The following DMRTC1 variants were observed in gnomAD, a reference collection of about 807,000 sequenced individuals.
DMRTC1 encodes the protein doublesex- and mab-3-related transcription factor C1.
For missense variants in DMRTC1, 9 were observed against 34.6 expected (o/e 0.26, Z 1.86); for synonymous variants, 7 against 14.1 (o/e 0.50, Z 1.13).
At chrX:72,881,933 C>G (rs1225297403) in intron 1 of DMRTC1, among the ~76,000 whole-genome samples, 2 of 114,543 alleles carry the variant, frequency 1.7e-5, no homozygotes, top group African/African-American at 6.3e-5. Flanking sequence ...TGTTTGTATT[C>G]ATCAGTTTTA....
chrX:72,906,186 T>TA lies in DMRTC1; in HGVS notation c.-94-30399dup, dbSNP rs782065738. On this transcript the variant is annotated intron_variant, in intron 1 of 6. Coordinates refer to ENST00000615063, the MANE Select transcript of DMRTC1 (RefSeq NM_033053.3). ...ATACAACCAACCAAGCCTGCATCAT[T>TA]AAAAAAAACAGAAAATCTGTACAGA... is the stretch of plus-strand genomic sequence containing the variant. 3.6e-3 allele frequency among the ~76,000 whole-genome samples: 171 copies of TA among 48,145 alleles called. 2 individuals are homozygous for TA. The highest frequency in any genetic ancestry group is 0.031 in the East Asian group (40 of 1,285). 41.8% of individuals were successfully genotyped at this position (48,145 alleles called of 115,157 possible).
intron 4 of DMRTC1, among the ~76,000 whole-genome samples, chrX:72,874,558 G>A (rs1194771767): frequency 1.8e-5 from 1 of 55,889 alleles, no homozygotes; most frequent in African/African-American, 7.7e-5. Context: ...GACACATAAA[G>A]TCACTTGTCC....
intron 1 of DMRTC1, chrX:72,913,324 C>G (rs1321056351): frequency 4.9e-6 from 3 of 614,682 alleles, no homozygotes; most frequent in Non-Finnish European, 7.9e-6. Context: ...ACCGAGCCCC[C>G]TCTGATGCTC....
At chrX:72,874,762 G>A (rs1556351437) in intron 4 of DMRTC1, 63 bp downstream of exon 4, 2 of 38,855 alleles carry the variant, frequency 5.1e-5, no homozygotes, top group African/African-American at 1.4e-4. Flanking sequence ...CATCTCCCAC[G>A]GCATCAAGGA....
chrX:72,905,819 C>T (rs1459776036), intron 1 of DMRTC1, among the ~76,000 whole-genome samples: 1 of 105,296 alleles, frequency 9.5e-6, no homozygotes, highest in Non-Finnish European at 1.9e-5. Flanking sequence ...TTTTTATCTC[C>T]AGGAACTAGG....
intron 6 of DMRTC1, 80 bp from the exon 7 acceptor site, chrX:72,872,644 C>T (rs2054776097): frequency 2.5e-6 from 3 of 1,178,028 alleles, no homozygotes; most frequent in African/African-American, 3.7e-5. Context: ...GCGTCCCGCC[C>T]AACCAAAGAT....
rs1556352840 is a variant in DMRTC1 at position 72,880,636 on chromosome X, GCTTTGCTTTGCTTTGCTTTTTCT to G, written c.-94-4871_-94-4849del. Among the ~76,000 whole-genome samples the G allele has an allele frequency of 9.0e-4, 14 of 15,471 alleles. 2 individuals carry two copies. The highest frequency in any genetic ancestry group is 7.7e-3 in the South Asian group (2 of 259). The allele number at this position is 15,471 out of a possible 115,157, so 13.4% of individuals were successfully genotyped here. Reference sequence around the variant, plus strand: ...GCTTTGCTTTGCTTTGCTTTGCTTTGCTTTGCTTTGCTTTGCTTTTTCTCTTTGCTTTGCTTTGCTTTTTCTCT... The same window carrying G: ...GCTTTGCTTTGCTTTGCTTTGCTTTGCTTTGCTTTGCTTTGCTTTTTCTCT... On this transcript the variant is annotated intron_variant, in intron 1 of 6. Transcript: ENST00000615063.
At chrX:72,886,778 G>A (rs1481403944) in intron 1 of DMRTC1, among the ~76,000 whole-genome samples, 42 of 57,887 alleles carry the variant, frequency 7.3e-4, no homozygotes, top group Admixed American at 1.4e-3. Flanking sequence ...AAAAAATATC[G>A]TTGGTATTTT....
chrX:72,882,205 C>A (rs1245160699), intron 1 of DMRTC1, among the ~76,000 whole-genome samples: 1 of 70,250 alleles, frequency 1.4e-5, no homozygotes, highest in Non-Finnish European at 2.7e-5. Flanking sequence ...TGTAAAAAAG[C>A]TCATCTCACC....
intron 1 of DMRTC1, among the ~76,000 whole-genome samples, chrX:72,913,573 G>T (rs1348124480): frequency 2.0e-5 from 2 of 101,165 alleles, no homozygotes; most frequent in Non-Finnish European, 3.9e-5. Context: ...GTGGCGATGG[G>T]CTGTAGCCAA....
At chrX:72,874,732 T>TCCTCCC (rs2054793692) in intron 4 of DMRTC1, 93 bp downstream of exon 4, 1 of 61,700 alleles carries the variant, frequency 1.6e-5, no homozygotes, top group African/African-American at 8.5e-5. Flanking sequence ...CTCCTCCTCC[T>TCCTCCC]CCTCCCCCTC....
At chrX:72,874,503 T>C (rs1462134676) in intron 4 of DMRTC1, among the ~76,000 whole-genome samples, 4 of 49,143 alleles carry the variant, frequency 8.1e-5, no homozygotes, top group Non-Finnish European at 1.3e-4. Flanking sequence ...ATGCTATGGG[T>C]ATAGAATATT....
intron 1 of DMRTC1, among the ~76,000 whole-genome samples, chrX:72,886,903 A>C (rs2054880918): frequency 1.0e-5 from 1 of 97,700 alleles, no homozygotes; most frequent in African/African-American, 4.0e-5. Context: ...TGTGGTCTTC[A>C]ATTTTTTTTA....
intron 6 of DMRTC1, 136 bp from the exon 7 acceptor site, chrX:72,872,700 C>T (rs2054776691): frequency 4.5e-6 from 2 of 443,858 alleles, no homozygotes; most frequent in Non-Finnish European, 4.0e-6. Flanking sequence ...CTGATTTCCC[C>T]ATCTCCCATC....
At chrX:72,916,399 G>A (rs782463685) in intron 1 of DMRTC1, among the ~76,000 whole-genome samples, 2 of 107,329 alleles carry the variant, frequency 1.9e-5, no homozygotes, top group Admixed American at 1.9e-4. Flanking sequence ...TACAGCCCAT[G>A]CTCTTGGTGA....
At chrX:72,882,046 G>A (rs1171585978) in intron 1 of DMRTC1, among the ~76,000 whole-genome samples, 2 of 105,864 alleles carry the variant, frequency 1.9e-5, no homozygotes, top group African/African-American at 3.4e-5. Flanking sequence ...GATGACATGC[G>A]GATATTCTGC....
chrX:72,905,711 A>G (rs1215186899), intron 1 of DMRTC1, among the ~76,000 whole-genome samples: 2 of 63,527 alleles, frequency 3.1e-5, no homozygotes, highest in South Asian at 1.3e-3. Flanking sequence ...CATGCTGGCC[A>G]GGATGGTCTC....
chrX:72,913,345 C>G lies in DMRTC1; in HGVS notation c.-95+30230G>C. 9.2e-6 allele frequency: 5 copies of G among 545,386 alleles called. No homozygotes were observed. In the South Asian group the frequency reaches 1.0e-4, roughly 11 times the overall value. 44.9% of individuals were successfully genotyped at this position (545,386 alleles called of 1,213,427 possible). On this transcript the variant is annotated intron_variant, in intron 1 of 6. Coordinates refer to ENST00000615063, the MANE Select transcript of DMRTC1 (RefSeq NM_033053.3). Reference sequence around the variant, plus strand: ...CCCCCTCTGATGCTCCATGCCCCTGCTCGCCCCAGTGTCCCGGTCACCGGG... The same window carrying G: ...CCCCCTCTGATGCTCCATGCCCCTGGTCGCCCCAGTGTCCCGGTCACCGGG...
intron 6 of DMRTC1, 80 bp from the exon 7 acceptor site, chrX:72,872,644 C>G: frequency 8.5e-7 from 1 of 1,178,028 alleles, no homozygotes; most frequent in Non-Finnish European, 1.1e-6. Context: ...GCGTCCCGCC[C>G]AACCAAAGAT....
Sources: allele counts gnomAD v4.1 joint callset (sites outside exome capture counted in the v4.1 genomes callset), GRCh38; gene constraint gnomAD v4.1.1; transcripts MANE v1.5; gene names NCBI Gene and HGNC (gene_info 2026-07-23, HGNC 2026-07-21).